CHRM2: variants seen among roughly 807,000 people sequenced by gnomAD.
The protein encoded by CHRM2 is cholinergic receptor muscarinic 2.
A neutral mutation model predicts 25.0 loss-of-function variants in CHRM2; 8 were observed. That is an observed-to-expected ratio of 0.32 (90% confidence interval 0.19 to 0.58). The LOEUF is 0.58. Among genes scored for constraint, CHRM2 ranks in the 20% least tolerant of loss-of-function variants. The pLI is 0.88. For missense variants in CHRM2, 440 were observed against 567.1 expected, an observed-to-expected ratio of 0.78 and a Z score of 2.28; for synonymous variants, 202 against 205.7, an observed-to-expected ratio of 0.98 and a Z score of 0.15.
At chr7:136,938,292 G>T (rs147807782) in intron 2 of CHRM2, 4 of 1,079,480 alleles carry the variant, frequency 3.7e-6, no homozygotes, top group Non-Finnish European at 5.7e-6. Flanking sequence ...GCCGCCTAAG[G>T]TTGTTGATGT....
chr7:136,974,065 TTGTA>T (rs756913053), intron 2 of CHRM2, among the ~76,000 whole-genome samples: 2 of 152,286 alleles, frequency 1.3e-5, no homozygotes, highest in East Asian at 1.9e-4. Flanking sequence ...TGTGTATTTC[TTGTA>T]TGTGAGAAGC....
At chr7:136,894,977 C>T (rs1299899430) in intron 2 of CHRM2, among the ~76,000 whole-genome samples, 1 of 152,006 alleles carries the variant, frequency 6.6e-6, no homozygotes, top group Non-Finnish European at 1.5e-5. Flanking sequence ...TGTTTCTTTC[C>T]CCCGAGTCAG....
chr7:136,890,929 C>T (rs1443537448), intron 2 of CHRM2, among the ~76,000 whole-genome samples: 1 of 151,942 alleles, frequency 6.6e-6, no homozygotes, highest in Non-Finnish European at 1.5e-5. Flanking sequence ...AAATTTGTTG[C>T]TTCCTTCTGT....
intron 2 of CHRM2, among the ~76,000 whole-genome samples, chr7:136,941,642 G>C (rs977607328): frequency 6.6e-6 from 1 of 152,176 alleles, no homozygotes; most frequent in African/African-American, 2.4e-5. Flanking sequence ...TGTCTGGACT[G>C]ATCTTCTGAA....
At chr7:136,987,454 T>C (rs1301536050) in intron 2 of CHRM2, among the ~76,000 whole-genome samples, 1 of 152,214 alleles carries the variant, frequency 6.6e-6, no homozygotes, top group African/African-American at 2.4e-5. Flanking sequence ...AAAAGACAGA[T>C]CTAGAGAAAA....
At position 136,958,121 on chromosome 7, in the gene CHRM2, C is replaced by T. The variant is rs141600783; in HGVS notation, c.-124-34066C>T. Among the ~76,000 whole-genome samples the T allele has an allele frequency of 4.9e-3, 747 of 152,196 alleles. 6 individuals are homozygous for T. Among genetic ancestry groups the T allele is most frequent in the African/African-American group, 0.017 (715 of 41,524 alleles). ...CTAATGAGAATTTGGCAAATTATTA[C>T]CAGCACATTTTTATGCTAACGGAAA... On this transcript the variant is annotated intron_variant, in intron 2 of 3. Transcript: ENST00000680005.
intron 2 of CHRM2, among the ~76,000 whole-genome samples, chr7:136,921,004 G>GA (rs1299236931): frequency 6.6e-6 from 1 of 152,104 alleles, no homozygotes; most frequent in Non-Finnish European, 1.5e-5. Flanking sequence ...TCAAATGGAA[G>GA]ATGCCCTAGA....
rs1805123994 is a variant in CHRM2, at chr7:137,015,617, G to A, written c.752G>A (p.Ser251Asn). ...VKPNNNNMPS[S>N]DDGLEHNKIQ... ...CCAAACAATAACAACATGCCCAGCA[G>A]TGACGATGGCCTGGAGCACAACAAA... Residue 251 changes from serine (S) to asparagine (N), a missense_variant, in exon 4 of 4, where the codon AGT becomes AAT. Physicochemically the swap from Ser to Asn is conservative, Grantham distance 46. This residue lies in a region of CHRM2 where 261 missense variants were observed against 261.8 expected (regional missense o/e 1.00). Transcript: ENST00000680005. This position sits in a 1 kb window ranked among gnomAD's most constrained non-coding sequence, Gnocchi z 5.1. 6.2e-7 allele frequency: 1 copy of A among 1,612,888 alleles called. No individual in the cohort carries two copies. The highest frequency in any genetic ancestry group is 1.3e-5 in the African/African-American group (1 of 74,826).
chr7:136,944,000 T>C (rs551405342), intron 2 of CHRM2, among the ~76,000 whole-genome samples: 1 of 152,276 alleles, frequency 6.6e-6, no homozygotes, highest in Admixed American at 6.5e-5. Context: ...CTGTGGCAGA[T>C]AGGACTCTCT....
At chr7:136,999,761 A>C (rs571426164) in intron 3 of CHRM2, among the ~76,000 whole-genome samples, 1 of 152,284 alleles carries the variant, frequency 6.6e-6, no homozygotes, top group Non-Finnish European at 1.5e-5. Context: ...TTCTGTTCCC[A>C]ACTGCTTCCC....
intron 2 of CHRM2, among the ~76,000 whole-genome samples, chr7:136,945,667 T>C (rs1251768317): frequency 6.6e-6 from 1 of 152,150 alleles, no homozygotes; most frequent in African/African-American, 2.4e-5. Flanking sequence ...GTGTACAGAT[T>C]TGTTCTTTTT....
intron 2 of CHRM2, among the ~76,000 whole-genome samples, chr7:136,915,797 A>G (rs1335706951): frequency 6.6e-6 from 1 of 151,878 alleles, no homozygotes; most frequent in African/African-American, 2.4e-5. Flanking sequence ...ACTCCAAACA[A>G]TAAAAAATAT....
intron 2 of CHRM2, chr7:136,899,333 T>C (rs1426261749): frequency 6.6e-6 from 1 of 152,104 alleles, no homozygotes; most frequent in African/African-American, 2.4e-5. Context: ...CTTCCTGTTA[T>C]AGCACTGACC....
At chr7:136,906,194 C>CAT (rs1797534733) in intron 2 of CHRM2, among the ~76,000 whole-genome samples, 2 of 148,426 alleles carry the variant, frequency 1.3e-5, no homozygotes, top group African/African-American at 2.5e-5. Context: ...TATGTATATA[C>CAT]GTATATATAT....
At chr7:136,931,445 C>A (rs767056772) in intron 2 of CHRM2, among the ~76,000 whole-genome samples, 1 of 152,140 alleles carries the variant, frequency 6.6e-6, no homozygotes. Context: ...ATGAGAAGAA[C>A]CTCCTGGAGC....
intron 2 of CHRM2, among the ~76,000 whole-genome samples, chr7:136,990,617 A>C (rs1371172293): frequency 1.3e-5 from 2 of 152,166 alleles, no homozygotes; most frequent in African/African-American, 4.8e-5. Flanking sequence ...TCATTCACCT[A>C]CTGAAGGATA....
chr7:136,981,590 G>T (rs1802490668), intron 2 of CHRM2, among the ~76,000 whole-genome samples: 2 of 152,104 alleles, frequency 1.3e-5, no homozygotes, highest in South Asian at 4.1e-4. Context: ...GGCATTTAGT[G>T]CTATAAATTT....
intron 2 of CHRM2, among the ~76,000 whole-genome samples, chr7:136,960,177 T>C (rs1800984821): frequency 6.6e-6 from 1 of 152,200 alleles, no homozygotes; most frequent in South Asian, 2.1e-4. Context: ...TGTATTTCTC[T>C]GTACCTGGGT....
intron 2 of CHRM2, among the ~76,000 whole-genome samples, chr7:136,896,040 T>C (rs746182860): frequency 6.6e-6 from 1 of 152,212 alleles, no homozygotes; most frequent in Non-Finnish European, 1.5e-5. Context: ...GACTTGTTTT[T>C]AAATTTTATT....
Sources: gnomAD v4.1 joint callset for allele counts (sites outside exome capture counted in the v4.1 genomes callset) on GRCh38, gnomAD v4.1.1 for gene constraint, gnomAD v4.1.1 regional missense constraint, Gnocchi (gnomAD v3.1) non-coding constraint, MANE v1.5 for transcripts, NCBI Gene and HGNC (gene_info 2026-07-23, HGNC 2026-07-21) for gene names.